The following NBEA variants were observed in gnomAD, a reference collection of about 807,000 sequenced individuals.
NBEA encodes the protein neurobeachin, also known as lysosomal-trafficking regulator 2.
A neutral mutation model predicts 343.4 loss-of-function variants in NBEA; 44 were observed. The observed-to-expected ratio is 0.13, with a 90% CI of 0.10 to 0.16. NBEA has a LOEUF of 0.16. Among genes scored for constraint, NBEA ranks in the 10% least tolerant of loss-of-function variants. NBEA has a pLI of 1.00. For missense variants in NBEA, 2,555 were observed against 3,631.3 expected (o/e 0.70, Z 7.62); for synonymous variants, 1,175 against 1,238.7 (o/e 0.95, Z 1.08).
chr13:35,063,226 T>C (rs2063527341), intron 8 of NBEA, among the ~76,000 whole-genome samples: 2 of 152,068 alleles, frequency 1.3e-5, no homozygotes, highest in Admixed American at 6.6e-5. Flanking sequence ...GGCACTGTTC[T>C]AGATGCTAGG....
At chr13:35,493,179 T>C (rs1196380064) in intron 41 of NBEA, among the ~76,000 whole-genome samples, 1 of 151,900 alleles carries the variant, frequency 6.6e-6, no homozygotes, top group African/African-American at 2.4e-5. Flanking sequence ...GTTAAGTGAA[T>C]GGAACAGGAG....
chr13:35,133,027 CA>C (rs2067509745), intron 17 of NBEA, among the ~76,000 whole-genome samples: 1 of 151,584 alleles, frequency 6.6e-6, no homozygotes, highest in African/African-American at 2.4e-5. Flanking sequence ...TAAATTTGAC[CA>C]TTAGAATAAA....
intron 28 of NBEA, among the ~76,000 whole-genome samples, chr13:35,178,667 T>C (rs1164411573): frequency 6.6e-6 from 1 of 151,626 alleles, no homozygotes. Flanking sequence ...CTTTTATGCT[T>C]TTTTGTAGTT....
intron 41 of NBEA, chr13:35,475,128 G>A (rs756521374): frequency 6.2e-7 from 1 of 1,614,064 alleles, no homozygotes; most frequent in Middle Eastern, 1.6e-4. Flanking sequence ...GTTTGGCAGC[G>A]TTTTCCAGAG....
At chr13:35,439,441 A>C (rs1316528398) in intron 39 of NBEA, among the ~76,000 whole-genome samples, 1 of 152,200 alleles carries the variant, frequency 6.6e-6, no homozygotes, top group Non-Finnish European at 1.5e-5. Flanking sequence ...TCGGGGAGTA[A>C]AGGCAGAGGT....
intron 52 of NBEA, 32 bp downstream of exon 52, chr13:35,649,879 G>C (rs1183059883): frequency 6.3e-7 from 1 of 1,593,828 alleles, no homozygotes; most frequent in Non-Finnish European, 8.5e-7. Context: ...ACTTACTAAA[G>C]ATTTCTTAAA....
intron 55 of NBEA, among the ~76,000 whole-genome samples, chr13:35,660,667 G>T (rs946090638): frequency 1.3e-5 from 2 of 152,052 alleles, no homozygotes; most frequent in African/African-American, 4.8e-5. Context: ...CCCTCTCTTT[G>T]TTGGCATCCA....
intron 4 of NBEA, among the ~76,000 whole-genome samples, chr13:35,046,092 A>G (rs2062844444): frequency 6.6e-6 from 1 of 151,962 alleles, no homozygotes; most frequent in Admixed American, 6.6e-5. Flanking sequence ...TCCATGTTGT[A>G]GTTTTAATTA....
intron 17 of NBEA, among the ~76,000 whole-genome samples, chr13:35,134,143 G>C (rs1459552324): frequency 6.6e-6 from 1 of 151,938 alleles, no homozygotes; most frequent in African/African-American, 2.4e-5. Flanking sequence ...ACATCAAATA[G>C]CGATGTCAAA....
chr13:35,550,817 G>A, intron 42 of NBEA, 113 bp from the exon 43 acceptor site: 1 of 692,294 alleles, frequency 1.4e-6, no homozygotes, highest in Non-Finnish European at 2.4e-6. Context: ...TTTTCATGAA[G>A]ATTCATTAGC....
chr13:35,337,459 T>G (rs1332591389), intron 36 of NBEA, among the ~76,000 whole-genome samples: 1 of 152,062 alleles, frequency 6.6e-6, no homozygotes, highest in Admixed American at 6.6e-5. Context: ...TATCATAGTT[T>G]TAAAAATATA....
intron 1 of NBEA, 72 bp downstream of exon 1, chr13:34,943,186 C>A: frequency 6.4e-7 from 1 of 1,563,702 alleles, no homozygotes; most frequent in Non-Finnish European, 8.7e-7. Context: ...CTTTCCCTCC[C>A]ACCCTTCACC....
At chr13:35,030,064 C>T (rs1209355910) in intron 1 of NBEA, among the ~76,000 whole-genome samples, 1 of 151,660 alleles carries the variant, frequency 6.6e-6, no homozygotes, top group Non-Finnish European at 1.5e-5. Context: ...GTTTATCCTT[C>T]TCTTTTATAT....
chr13:35,455,314 C>T lies in NBEA; in HGVS notation c.6448+3079C>T, dbSNP rs181679799. On this transcript the variant is annotated intron_variant, in intron 40 of 58. Coordinates refer to ENST00000379939, the MANE Select transcript of NBEA (RefSeq NM_001385012.1). ...ATAGAAGAAAGTATGCTAATTAGTA[C>T]AGAAAACTTAGAGAAAGTACTAATT... Among the ~76,000 whole-genome samples the T allele has an allele frequency of 4.0e-5, 6 of 150,384 alleles. No individual in the cohort carries two copies. In the East Asian group the frequency reaches 9.7e-4, roughly 24 times the overall value.
rs565558567 is a variant in NBEA at position 35,206,839 on chromosome 13, A to C, written c.5367-1861A>C. Among the ~76,000 whole-genome samples, 290 of 152,274 alleles carry C rather than the reference A, an allele frequency of 1.9e-3. 2 individuals carry two copies. Among genetic ancestry groups the C allele is most frequent in the African/African-American group, 6.8e-3 (282 of 41,582 alleles). The stretch of plus-strand genomic sequence containing the variant: ...CCAGTTTTCAAGCCTTAGTTTTGAA[A>C]TATAGTCCACATCTTATATTCTTTT... On this transcript the variant is annotated intron_variant, in intron 31 of 58. Coordinates refer to ENST00000379939, the MANE Select transcript of NBEA (RefSeq NM_001385012.1).
At chr13:35,196,803 A>C (rs916479657) in intron 31 of NBEA, among the ~76,000 whole-genome samples, 3 of 152,138 alleles carry the variant, frequency 2.0e-5, no homozygotes, top group Admixed American at 6.6e-5. Context: ...GTTTGTGGTC[A>C]TCTTCTTTAT....
chr13:35,182,573 C>T, intron 29 of NBEA, 45 bp downstream of exon 29: 1 of 1,536,926 alleles, frequency 6.5e-7, no homozygotes, highest in Non-Finnish European at 8.8e-7. Flanking sequence ...CATGATGTAT[C>T]TCCTTTTTTT....
chr13:35,252,474 A>G (rs779021039), intron 34 of NBEA, among the ~76,000 whole-genome samples: 6 of 152,176 alleles, frequency 3.9e-5, no homozygotes, highest in South Asian at 2.1e-4. Flanking sequence ...TTAAGCCCCA[A>G]TTCGGGGCCT....
At chr13:35,487,762 T>C (rs1306081073) in intron 41 of NBEA, among the ~76,000 whole-genome samples, 2 of 151,966 alleles carry the variant, frequency 1.3e-5, no homozygotes, top group African/African-American at 4.8e-5. Context: ...AACAAATATA[T>C]GCTTTTTAAA....
Sources: allele counts gnomAD v4.1 joint callset (sites outside exome capture counted in the v4.1 genomes callset), GRCh38; gene constraint gnomAD v4.1.1; transcripts MANE v1.5; gene names NCBI Gene and HGNC (gene_info 2026-07-23, HGNC 2026-07-21).